MPP7: variants seen among roughly 807,000 people sequenced by gnomAD.
MPP7 encodes the protein MAGUK p55 scaffold protein 7, also known as MAGUK p55 subfamily member 7.
In MPP7, 60 loss-of-function variants were observed where a neutral mutation model predicts 76.5. The observed-to-expected ratio is 0.78, with a 90% confidence interval of 0.64 to 0.97. The LOEUF (loss-of-function observed/expected upper bound fraction) is 0.97, where lower values mean the gene tolerates loss of function less well. MPP7 is among the 50% of genes least tolerant of loss of function. The pLI is 0.00. For synonymous variants in MPP7, 237 were observed against 244.5 expected, an observed-to-expected ratio of 0.97 and a Z score of 0.29; for missense variants, 641 against 694.0, an observed-to-expected ratio of 0.92 and a Z score of 0.86.
At chr10:28,178,673 A>G (rs372698299) in intron 3 of MPP7, among the ~76,000 whole-genome samples, 1 of 152,136 alleles carries the variant, frequency 6.6e-6, no homozygotes, top group Admixed American at 6.5e-5. Flanking sequence ...ACAATGGGGT[A>G]AAGATTAATA....
chr10:28,091,395 C>A (rs992124339), intron 11 of MPP7, among the ~76,000 whole-genome samples: 1 of 150,596 alleles, frequency 6.6e-6, no homozygotes, highest in Admixed American at 6.6e-5. Flanking sequence ...TGAAGTGATT[C>A]CCCTGCCTCA....
chr10:28,118,090 A>T (rs1834714389), intron 11 of MPP7: 1 of 964,802 alleles, frequency 1.0e-6, no homozygotes, highest in Admixed American at 6.2e-5. Flanking sequence ...ATCAGATCCA[A>T]ATATTGAAGT....
At chr10:28,247,789 A>G (rs2132824196) in intron 1 of MPP7, among the ~76,000 whole-genome samples, 1 of 152,324 alleles carries the variant, frequency 6.6e-6, no homozygotes, top group South Asian at 2.1e-4. Flanking sequence ...CCCTTTATGT[A>G]TTAAACGGTA....
intron 3 of MPP7, among the ~76,000 whole-genome samples, chr10:28,177,260 C>CAA (rs57984876): frequency 1.6e-4 from 17 of 104,174 alleles, no homozygotes; most frequent in African/African-American, 3.8e-4. Context: ...ACTAAAAATG[C>CAA]AAAAAAAAAA....
chr10:28,156,095 C>G (rs1836052972), intron 3 of MPP7, among the ~76,000 whole-genome samples: 1 of 152,164 alleles, frequency 6.6e-6, no homozygotes, highest in Admixed American at 6.5e-5. Context: ...GATGAAGTAT[C>G]AACATAATTT....
At chr10:28,212,270 T>C (rs1237505558) in intron 2 of MPP7, among the ~76,000 whole-genome samples, 1 of 151,816 alleles carries the variant, frequency 6.6e-6, no homozygotes, top group Non-Finnish European at 1.5e-5. Context: ...GCCCATGCAG[T>C]AGCCAGGGGA....
intron 2 of MPP7, among the ~76,000 whole-genome samples, chr10:28,321,994 G>T (rs1318826828): frequency 4.4e-5 from 6 of 137,280 alleles, no homozygotes; most frequent in Admixed American, 1.5e-4. Flanking sequence ...TGTGTGTTTA[G>T]CTGTACAGAT....
chr10:28,166,210 C>T (rs1277684244), intron 3 of MPP7, among the ~76,000 whole-genome samples: 1 of 151,726 alleles, frequency 6.6e-6, no homozygotes, highest in Non-Finnish European at 1.5e-5. Flanking sequence ...TCATTCAGTA[C>T]ATAAAAGAGC....
chr10:28,070,378 GAC>G (rs1400068281), intron 12 of MPP7, among the ~76,000 whole-genome samples: 7 of 152,148 alleles, frequency 4.6e-5, no homozygotes, highest in Non-Finnish European at 7.3e-5. Flanking sequence ...CAGCCTGGGT[GAC>G]AGAGTGAGAC....
chr10:28,235,199 CA>C (rs375176368), intron 2 of MPP7, among the ~76,000 whole-genome samples: 2,381 of 143,220 alleles, frequency 0.017, 60 homozygotes, highest in African/African-American at 0.057. Context: ...GATCCTGGAA[CA>C]AAAAAAAAAT....
intron 2 of MPP7, among the ~76,000 whole-genome samples, chr10:28,222,335 C>T (rs1347483141): frequency 6.6e-6 from 1 of 151,718 alleles, no homozygotes; most frequent in East Asian, 1.9e-4. Context: ...CCCATCTCTA[C>T]GAAAATAAGA....
chr10:28,150,674 T>A (rs1218977348), intron 3 of MPP7, among the ~76,000 whole-genome samples: 1 of 152,086 alleles, frequency 6.6e-6, no homozygotes. Context: ...ACGAAGGGAT[T>A]TTTCATAACT....
chr10:28,200,891 C>T (rs528218069), intron 3 of MPP7, among the ~76,000 whole-genome samples: 1 of 152,184 alleles, frequency 6.6e-6, no homozygotes, highest in Admixed American at 6.5e-5. Context: ...GATGATGACA[C>T]CTCAAATATA....
chr10:28,329,306 T>C (rs1022605390), intron 2 of MPP7, among the ~76,000 whole-genome samples: 8 of 152,276 alleles, frequency 5.3e-5, no homozygotes, highest in African/African-American at 1.7e-4. Flanking sequence ...TTTCATTTTC[T>C]ATTGTGAGCT....
chr10:28,208,506 GGGC>G (rs1838021200), intron 2 of MPP7, among the ~76,000 whole-genome samples: 1 of 152,308 alleles, frequency 6.6e-6, no homozygotes, highest in African/African-American at 2.4e-5. Flanking sequence ...GTCTGCCCAT[GGGC>G]GTGTCACTAA....
intron 1 of MPP7, among the ~76,000 whole-genome samples, chr10:28,277,572 T>C (rs1840541840): frequency 6.6e-6 from 1 of 151,936 alleles, no homozygotes; most frequent in South Asian, 2.1e-4. Context: ...GGGGTTTCAA[T>C]ATAGCAACCT....
intron 2 of MPP7, among the ~76,000 whole-genome samples, chr10:28,311,490 A>T (rs1841289260): frequency 6.6e-6 from 1 of 152,150 alleles, no homozygotes; most frequent in African/African-American, 2.4e-5. Flanking sequence ...AATTACGTAA[A>T]TGCTGGTATG....
Position 28,197,513 on chromosome 10 carries a change from G to T in MPP7, c.156+4640C>A, listed in dbSNP as rs565111154. ...TGAGCAACTCCTATACCGAATGCAG[G>T]TTCCAACTTAAGATACCAAATCCTC... On this transcript the variant is annotated intron_variant, in intron 3 of 16. Transcript: ENST00000683449. Among the ~76,000 whole-genome samples the T allele has an allele frequency of 1.7e-4, 26 of 152,190 alleles. 1 individual carries two copies. Among genetic ancestry groups the T allele is most frequent in the East Asian group, 1.5e-3 (8 of 5,172 alleles).
At position 28,278,815 on chromosome 10, in the gene MPP7, AT is replaced by A. The variant is rs549638209; in HGVS notation, c.-132+24045del. Among the ~76,000 whole-genome samples the A allele has an allele frequency of 7.2e-3, 1,079 of 150,300 alleles. 6 individuals are homozygous for A. Among genetic ancestry groups the A allele is most frequent in the Non-Finnish European group, 0.011 (742 of 67,576 alleles). Reference sequence around the variant, plus strand: ...TTATCCGTAACATTTCATTTATTCCATTTTTTTTAATCTGAAAAAAAAAAAA... The same window carrying A: ...TTATCCGTAACATTTCATTTATTCCATTTTTTTAATCTGAAAAAAAAAAAA... On this transcript the variant is annotated intron_variant, in intron 1 of 16. Transcript: ENST00000683449.
Sources: allele counts gnomAD v4.1 joint callset (sites outside exome capture counted in the v4.1 genomes callset), GRCh38; gene constraint gnomAD v4.1.1; transcripts MANE v1.5; gene names NCBI Gene and HGNC (gene_info 2026-07-23, HGNC 2026-07-21).